DGCR2: variants seen among roughly 807,000 people sequenced by gnomAD.
DGCR2 encodes the protein integral membrane protein DGCR2/IDD.
A neutral mutation model predicts 51.6 loss-of-function variants in DGCR2; 24 were observed. The ratio of observed to expected loss-of-function variants is 0.47; its 90% CI spans 0.34 to 0.65. The LOEUF (loss-of-function observed/expected upper bound fraction) is 0.65, where lower values mean the gene tolerates loss of function less well. DGCR2 is among the 30% of genes least tolerant of loss of function. DGCR2 has a pLI of 0.01. For missense variants in DGCR2, 765 were observed against 772.1 expected (o/e 0.99, Z 0.11); for synonymous variants, 340 against 315.4 (o/e 1.08, Z -0.82).
intron 1 of DGCR2, among the ~76,000 whole-genome samples, chr22:19,113,264 G>C (rs2800986): frequency 1.3e-5 from 2 of 151,982 alleles, no homozygotes; most frequent in African/African-American, 4.8e-5. Context: ...CAGCTACTTG[G>C]GAGGCTGAGG....
chr22:19,043,642 A>C (rs1010129238), intron 7 of DGCR2, among the ~76,000 whole-genome samples: 1 of 152,144 alleles, frequency 6.6e-6, no homozygotes, highest in Non-Finnish European at 1.5e-5. Context: ...CCACACCAGC[A>C]GGGACCCTGC....
chr22:19,067,467 T>C (rs145866498), intron 3 of DGCR2, among the ~76,000 whole-genome samples: 5,568 of 152,052 alleles, frequency 0.037, 307 homozygotes, highest in African/African-American at 0.13. Flanking sequence ...CTGAGGTGGG[T>C]GGATCACCTC....
chr22:19,041,976 G>A lies in DGCR2; in HGVS notation c.1007-17C>T, dbSNP rs776204831. The A allele has an allele frequency of 6.8e-6, 11 of 1,609,282 alleles. No individual in the cohort carries two copies. The East Asian group carries it at 2.2e-4, about 33-fold the overall frequency. On this transcript the variant is annotated splice_polypyrimidine_tract_variant and intron_variant, in intron 7 of 9. Coordinates refer to ENST00000263196, the MANE Select transcript of DGCR2 (RefSeq NM_005137.3). ...TGTTGCCATCTGAGGGGGAGGGGAG[G>A]AAATGGCCGCTCTGAGAAGGGGGCC...
chr22:19,056,554 T>TAAA (rs57447746), intron 6 of DGCR2: 19 of 248,950 alleles, frequency 7.6e-5, no homozygotes, highest in East Asian at 1.6e-4. Context: ...CTGGCTTTAA[T>TAAA]AAAAAAAAAA....
At chr22:19,083,369 T>C (rs1335720145) in intron 2 of DGCR2, among the ~76,000 whole-genome samples, 1 of 152,206 alleles carries the variant, frequency 6.6e-6, no homozygotes, top group African/African-American at 2.4e-5. Flanking sequence ...TAAATCTTGA[T>C]ACGGGCAAGG....
intron 1 of DGCR2, among the ~76,000 whole-genome samples, chr22:19,111,749 T>C (rs918687635): frequency 6.6e-6 from 1 of 152,146 alleles, no homozygotes; most frequent in Admixed American, 6.5e-5. Context: ...CAAAGGGTGA[T>C]GGCTGGTGGA....
rs2082382602 is a variant in DGCR2 at position 19,037,465 on chromosome 22, T to C, written c.*1400A>G. On this transcript the variant is annotated 3_prime_UTR_variant, in exon 10 of 10. Coordinates refer to ENST00000263196, the MANE Select transcript of DGCR2 (RefSeq NM_005137.3). ...ACAGGCCTCCCAGGTGCTGCCCCGC[T>C]GGTCTGGAAAGACTGAGCGAGACAG... The C allele has an allele frequency of 6.6e-6, 1 of 151,936 alleles. No homozygotes were observed. Among genetic ancestry groups the C allele is most frequent in the African/African-American group, 2.4e-5 (1 of 41,304 alleles). The allele number at this position is 151,936 out of a possible 1,614,324, so 9.4% of individuals were successfully genotyped here. A position where few individuals can be genotyped will look rare whatever the true frequency, so the allele number is the denominator to read the frequency against.
chr22:19,051,746 T>C (rs986010217), intron 6 of DGCR2, among the ~76,000 whole-genome samples: 1 of 152,070 alleles, frequency 6.6e-6, no homozygotes, highest in African/African-American at 2.4e-5. Context: ...GAACAAACGA[T>C]GCAAAGAGAA....
intron 6 of DGCR2, chr22:19,055,966 AGGTGTGGT>A (rs1222683375): frequency 1.3e-5 from 2 of 156,942 alleles, no homozygotes; most frequent in African/African-American, 4.8e-5. Context: ...CTGATGGCAA[AGGTGTGGT>A]GGTGGTCATG....
chr22:19,075,792 G>A (rs1046957309), intron 2 of DGCR2, among the ~76,000 whole-genome samples: 2 of 152,138 alleles, frequency 1.3e-5, no homozygotes, highest in East Asian at 3.8e-4. Context: ...ATATTCCACT[G>A]GATGGATAGA....
chr22:19,062,779 A>ATTCATTTTTTCTCTCTCTCTCT, intron 5 of DGCR2, among the ~76,000 whole-genome samples: 1 of 127,354 alleles, frequency 7.9e-6, no homozygotes, highest in Non-Finnish European at 1.8e-5. Flanking sequence ...ATGCATGCTC[A>ATTCATTTTTTCTCTCTCTCTCT]CTCTCTCTCT....
At chr22:19,101,876 G>T (rs1394279669) in intron 1 of DGCR2, among the ~76,000 whole-genome samples, 1 of 151,750 alleles carries the variant, frequency 6.6e-6, no homozygotes, top group Non-Finnish European at 1.5e-5. Context: ...CCAACATAGT[G>T]AAACTCCGTG....
intron 2 of DGCR2, among the ~76,000 whole-genome samples, chr22:19,081,135 A>T (rs2082931636): frequency 6.6e-6 from 1 of 152,206 alleles, no homozygotes; most frequent in African/African-American, 2.4e-5. Context: ...AAAGGAAAAA[A>T]GCTGTATAAT....
chr22:19,111,104 A>G (rs568185366), intron 1 of DGCR2, among the ~76,000 whole-genome samples: 2 of 152,324 alleles, frequency 1.3e-5, no homozygotes, highest in African/African-American at 2.4e-5. Flanking sequence ...GAAAACCCAC[A>G]AAGTCCGTCC....
At chr22:19,077,894 T>C (rs1485775176) in intron 2 of DGCR2, among the ~76,000 whole-genome samples, 1 of 151,852 alleles carries the variant, frequency 6.6e-6, no homozygotes, top group Non-Finnish European at 1.5e-5. Context: ...AGTGGTGCGA[T>C]CTCAGCTTAC....
chr22:19,083,177 T>C (rs898542103), intron 2 of DGCR2, among the ~76,000 whole-genome samples: 1 of 152,200 alleles, frequency 6.6e-6, no homozygotes, highest in Non-Finnish European at 1.5e-5. Context: ...CTGAATTTCC[T>C]GTATGTTGTG....
chr22:19,100,638 C>T (rs1188660522), intron 1 of DGCR2, among the ~76,000 whole-genome samples: 2 of 149,704 alleles, frequency 1.3e-5, no homozygotes. Context: ...TGCACTCCAG[C>T]CTGGGCGACA....
intron 1 of DGCR2, among the ~76,000 whole-genome samples, chr22:19,112,208 G>C (rs2083323731): frequency 6.7e-6 from 1 of 148,832 alleles, no homozygotes; most frequent in Admixed American, 6.7e-5. Flanking sequence ...GGGAGGCAGA[G>C]GTTACAGTGA....
At chr22:19,065,192 C>A in intron 3 of DGCR2, 125 bp from the exon 4 acceptor site, 1 of 778,872 alleles carries the variant, frequency 1.3e-6, no homozygotes. Flanking sequence ...AACTGAGGCT[C>A]AAGAGGACAA....
Sources: allele counts gnomAD v4.1 joint callset (sites outside exome capture counted in the v4.1 genomes callset), GRCh38; gene constraint gnomAD v4.1.1; transcripts MANE v1.5; gene names NCBI Gene and HGNC (gene_info 2026-07-23, HGNC 2026-07-21).